MAPKAP1: variants seen among roughly 807,000 people sequenced by gnomAD.
MAPKAP1 encodes the protein MAPK associated protein 1, also known as target of rapamycin complex 2 subunit MAPKAP1.
A neutral mutation model predicts 65.7 loss-of-function variants in MAPKAP1; 20 were observed. That is an observed-to-expected ratio of 0.30 (90% CI 0.21 to 0.44). The LOEUF (loss-of-function observed/expected upper bound fraction) is 0.44. Among genes scored for constraint, MAPKAP1 ranks in the 20% least tolerant of loss-of-function variants. The probability of loss-of-function intolerance (pLI) is 1.00; values close to 1 mark genes in which losing one functional copy is unlikely to be tolerated. For missense variants in MAPKAP1, 423 were observed against 648.0 expected, an observed-to-expected ratio of 0.65 and a Z score of 3.77; for synonymous variants, 222 against 244.3, an observed-to-expected ratio of 0.91 and a Z score of 0.85.
At chr9:125,680,085 GAT>G (rs1834776265) in intron 1 of MAPKAP1, among the ~76,000 whole-genome samples, 1 of 148,858 alleles carries the variant, frequency 6.7e-6, no homozygotes, top group Admixed American at 6.6e-5. Flanking sequence ...GCAGATGCGA[GAT>G]TTTTTTTTTT....
At chr9:125,638,929 A>G (rs1248288704) in intron 4 of MAPKAP1, among the ~76,000 whole-genome samples, 4 of 152,248 alleles carry the variant, frequency 2.6e-5, no homozygotes, top group Non-Finnish European at 5.9e-5. Flanking sequence ...TTAACCTCAC[A>G]ATAACAAGTG....
chr9:125,541,598 A>G (rs1830250184), intron 7 of MAPKAP1, among the ~76,000 whole-genome samples: 1 of 152,196 alleles, frequency 6.6e-6, no homozygotes, highest in Non-Finnish European at 1.5e-5. Context: ...ACCCCAAAAT[A>G]TCCACTTTTC....
At chr9:125,572,586 C>A (rs1344830886) in intron 5 of MAPKAP1, among the ~76,000 whole-genome samples, 1 of 152,134 alleles carries the variant, frequency 6.6e-6, no homozygotes, top group Admixed American at 6.5e-5. Flanking sequence ...TTAGGCTAAC[C>A]CTGCTTATTC....
rs189375640 is a variant in MAPKAP1, at chr9:125,603,571, T to C, written c.499-17844A>G. On this transcript the variant is annotated intron_variant, in intron 4 of 11. Coordinates refer to ENST00000265960, the MANE Select transcript of MAPKAP1 (RefSeq NM_001006617.3). ...CACTCATGTATCAAAGTCTCCGGGG[T>C]TTCTGCTCAGCCCCCTGGCAGTATT... 2.5e-4 allele frequency among the ~76,000 whole-genome samples: 38 copies of C among 152,058 alleles called. No individual in the cohort carries two copies. The East Asian group carries it at 6.8e-3, about 27-fold the overall frequency.
intron 5 of MAPKAP1, chr9:125,565,659 T>C (rs1831027778): frequency 4.9e-6 from 2 of 410,756 alleles, no homozygotes; most frequent in African/African-American, 4.4e-5. Flanking sequence ...AGATTTCCTT[T>C]TCTCCAAAAC....
chr9:125,457,638 C>T (rs1853238083), intron 10 of MAPKAP1, among the ~76,000 whole-genome samples: 1 of 152,216 alleles, frequency 6.6e-6, no homozygotes, highest in South Asian at 2.1e-4. Flanking sequence ...AGCTAATTTA[C>T]TTGTGGATCA....
chr9:125,681,793 T>TA (rs1450948258), intron 1 of MAPKAP1, among the ~76,000 whole-genome samples: 1 of 152,236 alleles, frequency 6.6e-6, no homozygotes, highest in Non-Finnish European at 1.5e-5. Context: ...TTTACAGAGA[T>TA]AGCGTCTCGC....
intron 6 of MAPKAP1, among the ~76,000 whole-genome samples, chr9:125,557,069 C>T (rs1830756870): frequency 6.6e-6 from 1 of 152,132 alleles, no homozygotes; most frequent in Admixed American, 6.5e-5. Flanking sequence ...GGAGTGGGAA[C>T]ACAGGGATGG....
chr9:125,550,375 T>C (rs1334763087), intron 6 of MAPKAP1, among the ~76,000 whole-genome samples: 1 of 152,114 alleles, frequency 6.6e-6, no homozygotes, highest in East Asian at 1.9e-4. Context: ...GGGGGAAGCA[T>C]CACCAAACCA....
chr9:125,542,446 G>T (rs1376608654), intron 7 of MAPKAP1, among the ~76,000 whole-genome samples: 1 of 152,126 alleles, frequency 6.6e-6, no homozygotes, highest in African/African-American at 2.4e-5. Flanking sequence ...AAATCTTTGA[G>T]CTATTTCTCA....
intron 1 of MAPKAP1, among the ~76,000 whole-genome samples, chr9:125,693,902 C>T (rs536726338): frequency 6.3e-4 from 95 of 151,090 alleles, no homozygotes; most frequent in East Asian, 1.9e-4. Flanking sequence ...GGCATAGGGG[C>T]TCACACCTGT....
At position 125,614,913 on chromosome 9, in the gene MAPKAP1, T is replaced by G. The variant is rs1362344511; in HGVS notation, c.499-29186A>C. 4.6e-5 allele frequency among the ~76,000 whole-genome samples: 7 copies of G among 152,266 alleles called. No homozygotes were observed. In the East Asian group the frequency reaches 1.3e-3, roughly 29 times the overall value. ...GGTATTGTGAAGCAATAAAAAGAATTTTTTAAATTTTCAGCTCTGTAAAGC... is the reference window on the plus strand; with the variant it reads ...GGTATTGTGAAGCAATAAAAAGAATGTTTTAAATTTTCAGCTCTGTAAAGC... On this transcript the variant is annotated intron_variant, in intron 4 of 11. Transcript: ENST00000265960.
At chr9:125,604,067 T>A (rs1248471632) in intron 4 of MAPKAP1, among the ~76,000 whole-genome samples, 1 of 152,194 alleles carries the variant, frequency 6.6e-6, no homozygotes, top group Non-Finnish European at 1.5e-5. Flanking sequence ...CCTAAAAGGC[T>A]CTGATAGATG....
intron 5 of MAPKAP1, among the ~76,000 whole-genome samples, chr9:125,576,559 C>G (rs1481550036): frequency 6.6e-6 from 1 of 152,248 alleles, no homozygotes; most frequent in Non-Finnish European, 1.5e-5. Flanking sequence ...CGGTCTCCCT[C>G]TGATGCCCAG....
intron 9 of MAPKAP1, among the ~76,000 whole-genome samples, chr9:125,481,727 A>G (rs1387079968): frequency 6.6e-6 from 1 of 152,016 alleles, no homozygotes; most frequent in East Asian, 1.9e-4. Flanking sequence ...CAGCCTACTT[A>G]TTGGGCTTCT....
chr9:125,693,200 G>A (rs1418884264), intron 1 of MAPKAP1, among the ~76,000 whole-genome samples: 1 of 151,980 alleles, frequency 6.6e-6, no homozygotes, highest in African/African-American at 2.4e-5. Flanking sequence ...ATCACCTGAT[G>A]TCAGGAGTTT....
intron 1 of MAPKAP1, among the ~76,000 whole-genome samples, chr9:125,685,595 T>C (rs1194308805): frequency 3.3e-5 from 5 of 152,250 alleles, no homozygotes; most frequent in Non-Finnish European, 7.3e-5. Flanking sequence ...CTGGTTGCCA[T>C]GTTAAGGAAT....
chr9:125,492,782 C>A (rs1265707331), intron 8 of MAPKAP1, among the ~76,000 whole-genome samples: 1 of 152,176 alleles, frequency 6.6e-6, no homozygotes, highest in East Asian at 1.9e-4. Flanking sequence ...AAGATCTATG[C>A]CAACTCTAGA....
At chr9:125,658,640 GAAT>G (rs1245648489) in intron 3 of MAPKAP1, among the ~76,000 whole-genome samples, 1 of 152,182 alleles carries the variant, frequency 6.6e-6, no homozygotes, top group Admixed American at 6.5e-5. Flanking sequence ...ATGAATGAAT[GAAT>G]GATTGAAATA....
Sources: allele counts gnomAD v4.1 joint callset (sites outside exome capture counted in the v4.1 genomes callset), GRCh38; gene constraint gnomAD v4.1.1; transcripts MANE v1.5; gene names NCBI Gene and HGNC (gene_info 2026-07-23, HGNC 2026-07-21).